TMPRSS12: variants seen among roughly 807,000 people sequenced by gnomAD.
TMPRSS12 encodes transmembrane protease serine 12.
In TMPRSS12, 25 loss-of-function variants were observed where a neutral mutation model predicts 26.0. The observed-to-expected ratio is 0.96, with a 90% CI of 0.70 to 1.34. The LOEUF is 1.34. Ranked by LOEUF, TMPRSS12 falls within the 40% of genes most tolerant of loss-of-function variation. The pLI, the probability that TMPRSS12 is intolerant of heterozygous loss-of-function variation, is 0.00. For synonymous variants in TMPRSS12, 150 were observed against 161.7 expected, an observed-to-expected ratio of 0.93 and a Z score of 0.55; for missense variants, 441 against 440.1, an observed-to-expected ratio of 1.00 and a Z score of -0.02.
intron 3 of TMPRSS12, among the ~76,000 whole-genome samples, chr12:50,861,531 G>C (rs1937934306): frequency 6.6e-6 from 1 of 152,098 alleles, no homozygotes; most frequent in South Asian, 2.1e-4. Flanking sequence ...ATGACCATGG[G>C]CATGTTATTG....
chr12:50,843,752 A>T, intron 1 of TMPRSS12, 90 bp from the exon 2 acceptor site: 1 of 1,309,470 alleles, frequency 7.6e-7, no homozygotes, highest in Non-Finnish European at 1.0e-6. Flanking sequence ...TTAACATAGG[A>T]ATTTAAAGGA....
intron 2 of TMPRSS12, among the ~76,000 whole-genome samples, chr12:50,844,259 A>G (rs1937747333): frequency 6.6e-6 from 1 of 152,092 alleles, no homozygotes; most frequent in Non-Finnish European, 1.5e-5. Context: ...GGTTTGTTAC[A>G]TAGGTATACA....
chr12:50,843,749 A>G lies in TMPRSS12; in HGVS notation c.188-93A>G, dbSNP rs180725427. The G allele has an allele frequency of 2.7e-4, 345 of 1,290,518 alleles. 1 individual carries two copies. The highest frequency in any genetic ancestry group is 2.7e-4 in the East Asian group (10 of 36,686). The allele number at this position is 1,290,518 out of a possible 1,614,324, so 79.9% of individuals were successfully genotyped here. On this transcript the variant is annotated intron_variant, in intron 1 of 4. Transcript: ENST00000398458. ...TTAGCTTGCTTTGTGTTTTTAACAT[A>G]GGAATTTAAAGGATTGCATTAATAT...
chr12:50,857,808 CGTTGTTGTCGTT>C (rs1161303030), intron 2 of TMPRSS12, among the ~76,000 whole-genome samples: 15 of 147,332 alleles, frequency 1.0e-4, no homozygotes, highest in Admixed American at 3.3e-4. Flanking sequence ...TTGTTGTTGT[CGTTGTTGTCGTT>C]GTTGTTGTTG....
At chr12:50,852,033 A>G (rs1228043939) in intron 2 of TMPRSS12, among the ~76,000 whole-genome samples, 1 of 152,236 alleles carries the variant, frequency 6.6e-6, no homozygotes, top group Non-Finnish European at 1.5e-5. Context: ...CTGCCTTACA[A>G]GAGATCCTTA....
At chr12:50,856,537 C>T (rs1592218499) in intron 2 of TMPRSS12, among the ~76,000 whole-genome samples, 2 of 152,194 alleles carry the variant, frequency 1.3e-5, no homozygotes. Flanking sequence ...ATGAGTAAAA[C>T]CACTATAAAC....
Position 50,843,125 on chromosome 12 carries a change from G to A in TMPRSS12, c.161G>A (p.Arg54Gln), listed in dbSNP as rs776781126. The change falls in exon 1 of 5, where the codon CGG (arginine) becomes CAG (glutamine). Residue 54 changes from arginine to glutamine, a missense_variant. Coordinates refer to ENST00000398458, the MANE Select transcript of TMPRSS12 (RefSeq NM_182559.3). ...GCCGTCCGCAAGAGGCTCCGGCGGC[G>A]GAGGGAGGGAGGGGCGCATGCAGAG... ...AEAVRKRLRR[R>Q]REGGAHAEDC... The A allele has an allele frequency of 7.1e-6, 11 of 1,558,156 alleles. No homozygotes were observed. Among genetic ancestry groups the A allele is most frequent in the Non-Finnish European group, 7.8e-6 (9 of 1,150,100 alleles).
chr12:50,845,656 T>A (rs1206242159), intron 2 of TMPRSS12, among the ~76,000 whole-genome samples: 1 of 152,230 alleles, frequency 6.6e-6, no homozygotes, highest in African/African-American at 2.4e-5. Flanking sequence ...ACTTCAGCTA[T>A]CCAAGTAGTC....
At chr12:50,867,667 C>G (rs1377975656) in intron 3 of TMPRSS12, among the ~76,000 whole-genome samples, 1 of 152,182 alleles carries the variant, frequency 6.6e-6, no homozygotes, top group African/African-American at 2.4e-5. Context: ...TCTAGGCACA[C>G]TGTCATCAGG....
intron 3 of TMPRSS12, among the ~76,000 whole-genome samples, chr12:50,874,289 T>G (rs1331795453): frequency 6.6e-6 from 1 of 152,018 alleles, no homozygotes; most frequent in African/African-American, 2.4e-5. Flanking sequence ...GAAACAGCTT[T>G]CATGAATAAA....
chr12:50,870,813 G>T (rs1319129913), intron 3 of TMPRSS12, among the ~76,000 whole-genome samples: 1 of 145,466 alleles, frequency 6.9e-6, no homozygotes, highest in Admixed American at 6.9e-5. Flanking sequence ...TAACAGCAGA[G>T]AATCAAATCA....
intron 3 of TMPRSS12, among the ~76,000 whole-genome samples, chr12:50,866,086 G>A (rs1444985432): frequency 6.6e-6 from 1 of 152,156 alleles, no homozygotes; most frequent in Non-Finnish European, 1.5e-5. Flanking sequence ...AGAGCAGCGT[G>A]TGGAGGCTGG....
chr12:50,849,338 T>G (rs1937802933), intron 2 of TMPRSS12, among the ~76,000 whole-genome samples: 1 of 152,230 alleles, frequency 6.6e-6, no homozygotes, highest in Non-Finnish European at 1.5e-5. Context: ...TTGGATCTAT[T>G]TTTCTTTTCT....
intron 3 of TMPRSS12, among the ~76,000 whole-genome samples, chr12:50,881,581 T>C (rs1453209772): frequency 6.6e-6 from 1 of 152,098 alleles, no homozygotes; most frequent in African/African-American, 2.4e-5. Flanking sequence ...TAATTTTAAA[T>C]ACTTAGAATT....
chr12:50,865,268 G>A (rs1312029677), intron 3 of TMPRSS12, among the ~76,000 whole-genome samples: 1 of 152,078 alleles, frequency 6.6e-6, no homozygotes. Context: ...GGAGGCAGAG[G>A]TTGCAGTGAG....
At chr12:50,869,176 C>A (rs1938019166) in intron 3 of TMPRSS12, among the ~76,000 whole-genome samples, 1 of 149,526 alleles carries the variant, frequency 6.7e-6, no homozygotes, top group Non-Finnish European at 1.5e-5. Context: ...GAAATTGAAA[C>A]AAAAAAAAAA....
chr12:50,843,373 T>C (rs1335015956), intron 1 of TMPRSS12, among the ~76,000 whole-genome samples: 1 of 152,174 alleles, frequency 6.6e-6, no homozygotes, highest in African/African-American at 2.4e-5. Flanking sequence ...ACATTCTGGG[T>C]TTTATCATCC....
intron 2 of TMPRSS12, among the ~76,000 whole-genome samples, chr12:50,855,198 C>T (rs1236399689): frequency 6.6e-6 from 1 of 152,038 alleles, no homozygotes; most frequent in African/African-American, 2.4e-5. Flanking sequence ...AAAGCAATTG[C>T]AACAAAAACA....
rs551755268 is a variant in TMPRSS12 at position 50,849,727 on chromosome 12, A to T, written c.383+5690A>T. Among the ~76,000 whole-genome samples the T allele has an allele frequency of 3.7e-3, 537 of 146,368 alleles. 6 individuals carry two copies. Among genetic ancestry groups the T allele is most frequent in the East Asian group, 0.03 (152 of 5,120 alleles). On this transcript the variant is annotated intron_variant, in intron 2 of 4. Transcript: ENST00000398458. ...TGTGTCAGTAGATCATTCCTTTTTA[A>T]AAAAAAAAAAAGACAAAAATAATTT...
Sources: allele counts gnomAD v4.1 joint callset (sites outside exome capture counted in the v4.1 genomes callset), GRCh38; gene constraint gnomAD v4.1.1; transcripts MANE v1.5; gene names NCBI Gene and HGNC (gene_info 2026-07-23, HGNC 2026-07-21).